FSTL5: variants seen among roughly 807,000 people sequenced by gnomAD.
FSTL5 encodes the protein follistatin-related protein 5.
A neutral mutation model predicts 89.1 loss-of-function variants in FSTL5; 62 were observed. That is an observed-to-expected ratio of 0.70 (90% CI 0.57 to 0.86). The LOEUF (loss-of-function observed/expected upper bound fraction) is 0.86, where lower values mean the gene tolerates loss of function less well. FSTL5 is among the 40% of genes least tolerant of loss of function. The pLI, the probability that FSTL5 is intolerant of heterozygous loss-of-function variation, is 0.00. For missense variants in FSTL5, 1,057 were observed against 1,001.6 expected, an observed-to-expected ratio of 1.06 and a Z score of -0.75; for synonymous variants, 383 against 346.2, an observed-to-expected ratio of 1.11 and a Z score of -1.18.
At chr4:162,042,044 C>G (rs1982741) in intron 2 of FSTL5, 150,234 of 152,168 alleles carry the variant, frequency 0.99, 74,186 homozygotes, top group East Asian at 1. Context: ...CAGCTACTCA[C>G]GAGGCTGAGC....
In FSTL5 at chr4:161,553,598, T is replaced by C. The variant is rs1235607173; in HGVS notation, c.1016-10905A>G. 5.3e-5 allele frequency among the ~76,000 whole-genome samples: 8 copies of C among 151,170 alleles called. No homozygotes were observed. The East Asian group carries it at 9.7e-4, about 18-fold the overall frequency. ...GAGTTGAAACTAGCCAAGTGGAGCATTGAAAAAAAAATACATTCTTAGCTT... is the reference window on the plus strand; with the variant it reads ...GAGTTGAAACTAGCCAAGTGGAGCACTGAAAAAAAAATACATTCTTAGCTT... On this transcript the variant is annotated intron_variant, in intron 8 of 15. Coordinates refer to ENST00000306100, the MANE Select transcript of FSTL5 (RefSeq NM_020116.5).
chr4:161,400,364 G>A (rs1211626138), intron 15 of FSTL5, among the ~76,000 whole-genome samples: 1 of 151,948 alleles, frequency 6.6e-6, no homozygotes, highest in African/African-American at 2.4e-5. Flanking sequence ...ATTTCAGATA[G>A]TTCTCATAAG....
chr4:161,927,504 T>C (rs1241145493), intron 3 of FSTL5, among the ~76,000 whole-genome samples: 2 of 151,706 alleles, frequency 1.3e-5, no homozygotes, highest in African/African-American at 4.8e-5. Flanking sequence ...ATATGGTTAA[T>C]ATATTTTTTA....
At chr4:161,842,677 C>A (rs1360115775) in intron 4 of FSTL5, among the ~76,000 whole-genome samples, 10 of 152,038 alleles carry the variant, frequency 6.6e-5, no homozygotes, top group Non-Finnish European at 1.5e-4. Flanking sequence ...AATATGCAAT[C>A]TGCTTTATTG....
At chr4:161,507,666 G>A (rs1730526285) in intron 11 of FSTL5, among the ~76,000 whole-genome samples, 1 of 151,784 alleles carries the variant, frequency 6.6e-6, no homozygotes, top group Admixed American at 6.6e-5. Flanking sequence ...TGAAAGTGGA[G>A]CCCAGAGAAG....
chr4:161,475,376 G>A (rs79847143), intron 13 of FSTL5, among the ~76,000 whole-genome samples: 4,407 of 152,012 alleles, frequency 0.029, 148 homozygotes, highest in East Asian at 0.12. Flanking sequence ...TGGGACTGCC[G>A]CAGTGCATAT....
intron 6 of FSTL5, among the ~76,000 whole-genome samples, chr4:161,676,289 G>A (rs1043140714): frequency 6.6e-6 from 1 of 152,048 alleles, no homozygotes; most frequent in African/African-American, 2.4e-5. Context: ...TAGAGAAAAT[G>A]TGGCACATAT....
At chr4:162,089,413 T>A (rs761040141) in intron 2 of FSTL5, among the ~76,000 whole-genome samples, 3 of 151,790 alleles carry the variant, frequency 2.0e-5, no homozygotes, top group South Asian at 4.2e-4. Context: ...GGCGGGTGGA[T>A]CTCTTGAGGT....
intron 4 of FSTL5, among the ~76,000 whole-genome samples, chr4:161,840,948 A>G (rs571803829): frequency 7.2e-5 from 11 of 152,282 alleles, no homozygotes; most frequent in Middle Eastern, 3.4e-3. Flanking sequence ...TATGAATTAG[A>G]TAGAGATAGC....
At chr4:161,426,138 T>C (rs1200535236) in intron 15 of FSTL5, among the ~76,000 whole-genome samples, 2 of 152,270 alleles carry the variant, frequency 1.3e-5, no homozygotes, top group Non-Finnish European at 2.9e-5. Context: ...TATCTGCATA[T>C]TATTCATTAT....
intron 15 of FSTL5, among the ~76,000 whole-genome samples, chr4:161,452,902 A>T (rs777897609): frequency 6.6e-6 from 1 of 152,208 alleles, no homozygotes; most frequent in African/African-American, 2.4e-5. Flanking sequence ...AATATATAGA[A>T]CTAAAATAAA....
intron 4 of FSTL5, among the ~76,000 whole-genome samples, chr4:161,866,516 T>A (rs1297205453): frequency 8.3e-6 from 1 of 120,064 alleles, no homozygotes; most frequent in Admixed American, 8.9e-5. Flanking sequence ...GTGGTTTCAA[T>A]CTTCACTCAA....
chr4:161,980,275 AAGAAAG>A (rs761150462), intron 3 of FSTL5, among the ~76,000 whole-genome samples: 129 of 134,088 alleles, frequency 9.6e-4, no homozygotes, highest in Non-Finnish European at 1.6e-3. Flanking sequence ...GAAAGAAAGA[AAGAAAG>A]AAAGAAAGAG....
At chr4:162,055,952 T>C (rs1300550450) in intron 2 of FSTL5, among the ~76,000 whole-genome samples, 2 of 151,868 alleles carry the variant, frequency 1.3e-5, no homozygotes, top group Non-Finnish European at 2.9e-5. Flanking sequence ...TAATATTTAG[T>C]TCAAAGATCC....
intron 3 of FSTL5, among the ~76,000 whole-genome samples, chr4:162,003,990 A>G (rs1257913446): frequency 6.6e-6 from 1 of 152,164 alleles, no homozygotes; most frequent in African/African-American, 2.4e-5. Flanking sequence ...CATTAGACCT[A>G]ATTCATAAGT....
At chr4:161,787,734 A>ATGT (rs953610177) in intron 4 of FSTL5, among the ~76,000 whole-genome samples, 2 of 152,192 alleles carry the variant, frequency 1.3e-5, no homozygotes, top group Non-Finnish European at 2.9e-5. Context: ...ATACATACAT[A>ATGT]GAACAAAATC....
intron 4 of FSTL5, among the ~76,000 whole-genome samples, chr4:161,915,260 C>T (rs1733806187): frequency 6.6e-6 from 1 of 151,806 alleles, no homozygotes; most frequent in Non-Finnish European, 1.5e-5. Flanking sequence ...ATCACTAGTC[C>T]TGCTGGCATT....
chr4:162,056,228 C>T (rs867371430), intron 2 of FSTL5, among the ~76,000 whole-genome samples: 1 of 151,822 alleles, frequency 6.6e-6, no homozygotes, highest in African/African-American at 2.4e-5. Flanking sequence ...AACAAAGAAT[C>T]CAATGGTAAC....
chr4:162,111,364 G>C lies in FSTL5; in HGVS notation c.33C>G (p.Leu11=). The stretch of plus-strand genomic sequence containing the variant: ...CTTCCGACTCCAGAAAAATGAATCC[G>C]AGAACCAAGACAACTGACCAGCACT... MFKCWSVVLV[L]GFIFLESEGR... Residue 11 remains leucine, a synonymous_variant, in exon 2 of 16, where the codon CTC becomes CTG. Transcript: ENST00000306100. The C allele has an allele frequency of 1.2e-6, 2 of 1,612,080 alleles. No individual in the cohort carries two copies. Among genetic ancestry groups the C allele is most frequent in the Non-Finnish European group, 1.7e-6 (2 of 1,178,722 alleles).
Sources: allele counts gnomAD v4.1 joint callset (sites outside exome capture counted in the v4.1 genomes callset), GRCh38; gene constraint gnomAD v4.1.1; transcripts MANE v1.5; gene names NCBI Gene and HGNC (gene_info 2026-07-23, HGNC 2026-07-21).